The following TMEM132B variants were observed in gnomAD, a reference collection of about 807,000 sequenced individuals.
The protein encoded by TMEM132B is transmembrane protein 132B.
TMEM132B carries 18 observed loss-of-function variants against 90.8 expected under a neutral mutation model. That is an observed-to-expected ratio of 0.20 (90% CI 0.14 to 0.29). The LOEUF is 0.29. Among genes scored for constraint, TMEM132B ranks in the 10% least tolerant of loss-of-function variants. The probability of loss-of-function intolerance (pLI) is 1.00; values close to 1 mark genes in which losing one functional copy is unlikely to be tolerated. For missense variants in TMEM132B, 1,096 were observed against 1,326.8 expected (o/e 0.83, Z 2.70); for synonymous variants, 504 against 523.3 (o/e 0.96, Z 0.50).
At chr12:125,609,558 G>A (rs1566088376) in intron 5 of TMEM132B, among the ~76,000 whole-genome samples, 1 of 151,950 alleles carries the variant, frequency 6.6e-6, no homozygotes, top group Non-Finnish European at 1.5e-5. Context: ...GCTCATGCTT[G>A]TAATCCCAGC....
At chr12:125,536,994 TA>T (rs1356587342) in intron 4 of TMEM132B, among the ~76,000 whole-genome samples, 2 of 152,132 alleles carry the variant, frequency 1.3e-5, no homozygotes, top group African/African-American at 4.8e-5. Context: ...TGGGATTTTT[TA>T]AAAAAAATCA....
intron 1 of TMEM132B, among the ~76,000 whole-genome samples, chr12:125,262,582 T>G (rs1393998961): frequency 6.6e-6 from 1 of 152,208 alleles, no homozygotes; most frequent in South Asian, 2.1e-4. Context: ...CCACCCCCTC[T>G]TGTCTACCCT....
intron 5 of TMEM132B, among the ~76,000 whole-genome samples, chr12:125,610,947 G>C (rs1885811097): frequency 6.6e-6 from 1 of 152,098 alleles, no homozygotes; most frequent in African/African-American, 2.4e-5. Flanking sequence ...GGAAGAGTTT[G>C]TCTAGGGTTG....
At chr12:125,434,632 C>CA (rs1375208168) in intron 3 of TMEM132B, among the ~76,000 whole-genome samples, 3 of 152,204 alleles carry the variant, frequency 2.0e-5, no homozygotes, top group Non-Finnish European at 2.9e-5. Flanking sequence ...CGGCTGTGGT[C>CA]AGACGTCGCG....
chr12:125,593,328 A>G (rs1486898150), intron 5 of TMEM132B, among the ~76,000 whole-genome samples: 1 of 152,108 alleles, frequency 6.6e-6, no homozygotes, highest in African/African-American at 2.4e-5. Context: ...TCATTTGTTC[A>G]TTTCTGTCTT....
intron 1 of TMEM132B, among the ~76,000 whole-genome samples, chr12:125,241,740 A>G (rs1220724829): frequency 6.6e-6 from 1 of 152,240 alleles, no homozygotes; most frequent in Admixed American, 6.5e-5. Context: ...GAAGCCGTCC[A>G]GTCCATGGCG....
At position 125,389,330 on chromosome 12, in the gene TMEM132B, TCCCTC is replaced by T. The variant is rs1260882518; in HGVS notation, c.960-26185_960-26181del. On this transcript the variant is annotated intron_variant, in intron 2 of 8. Transcript: ENST00000682704. ...GCAGCTCCTTTCCTCCCCCTCCTCC[TCCCTC>T]CCCTCCCCTCCCCTCAACTCCCCTC... Among the ~76,000 whole-genome samples the T allele has an allele frequency of 1.7e-3, 170 of 101,394 alleles. 4 individuals are homozygous for T. Among genetic ancestry groups the T allele is most frequent in the Non-Finnish European group, 6.6e-4 (33 of 50,374 alleles). The allele number at this position is 101,394 out of a possible 152,430, so 66.5% of individuals were successfully genotyped here. A position where few individuals can be genotyped will look rare whatever the true frequency, so the allele number is the denominator to read the frequency against.
intron 2 of TMEM132B, among the ~76,000 whole-genome samples, chr12:125,392,803 G>A (rs1257103430): frequency 1.3e-5 from 2 of 152,196 alleles, no homozygotes; most frequent in Admixed American, 6.5e-5. Context: ...TCGCAGTGTC[G>A]CAGGCTTGCA....
chr12:125,503,911 G>A (rs1436164411), intron 3 of TMEM132B, among the ~76,000 whole-genome samples: 1 of 152,238 alleles, frequency 6.6e-6, no homozygotes, highest in Admixed American at 6.5e-5. Flanking sequence ...GGAGAAGCTA[G>A]AGAAGTTACA....
chr12:125,278,943 G>A (rs1305950252), intron 1 of TMEM132B, among the ~76,000 whole-genome samples: 4 of 152,186 alleles, frequency 2.6e-5, no homozygotes, highest in African/African-American at 4.8e-5. Context: ...CCCAGCGAGG[G>A]AAGATCTGTT....
chr12:125,240,824 G>A (rs1447711431), intron 1 of TMEM132B, among the ~76,000 whole-genome samples: 1 of 152,214 alleles, frequency 6.6e-6, no homozygotes, highest in African/African-American at 2.4e-5. Context: ...GTTGATAAAT[G>A]TCTGCTGCTT....
chr12:125,282,047 AAAAAAAAAAAAAAG>A (rs1436767226), intron 1 of TMEM132B, among the ~76,000 whole-genome samples: 1,941 of 126,584 alleles, frequency 0.015, 144 homozygotes, highest in African/African-American at 0.054. Flanking sequence ...AAAAAAAAAA[AAAAAAAAAAAAAAG>A]AGAGACTTTT....
intron 1 of TMEM132B, among the ~76,000 whole-genome samples, chr12:125,195,758 G>A (rs1872910566): frequency 6.6e-6 from 1 of 152,036 alleles, no homozygotes; most frequent in Non-Finnish European, 1.5e-5. Flanking sequence ...GACCTAAAGG[G>A]GTAAGGGAGG....
At chr12:125,600,142 G>A (rs1885537158) in intron 5 of TMEM132B, among the ~76,000 whole-genome samples, 1 of 152,160 alleles carries the variant, frequency 6.6e-6, no homozygotes, top group African/African-American at 2.4e-5. Flanking sequence ...TTTGGCAACA[G>A]TGTGAGGGAT....
chr12:125,624,591 A>G (rs1886185125), intron 5 of TMEM132B, among the ~76,000 whole-genome samples: 1 of 152,184 alleles, frequency 6.6e-6, no homozygotes, highest in Admixed American at 6.5e-5. Context: ...GCTCACTGTG[A>G]TAATTATTTG....
At chr12:125,382,700 A>G (rs73233402) in intron 2 of TMEM132B, among the ~76,000 whole-genome samples, 294 of 152,372 alleles carry the variant, frequency 1.9e-3, no homozygotes, top group Non-Finnish European at 3.3e-3. Flanking sequence ...TAATAATTTG[A>G]TGCCAAGAAA....
intron 3 of TMEM132B, among the ~76,000 whole-genome samples, chr12:125,493,340 ATCT>A (rs1173592528): frequency 2.0e-5 from 3 of 152,188 alleles, no homozygotes; most frequent in African/African-American, 7.2e-5. Context: ...TTTCCCAGGA[ATCT>A]TCTTGTGGCC....
At chr12:125,341,500 A>G (rs1017912452) in intron 1 of TMEM132B, among the ~76,000 whole-genome samples, 7 of 152,086 alleles carry the variant, frequency 4.6e-5, no homozygotes, top group African/African-American at 1.7e-4. Context: ...ATTTTTAAAT[A>G]TTTCATCTTT....
intron 1 of TMEM132B, among the ~76,000 whole-genome samples, chr12:125,305,335 C>A (rs1875930015): frequency 2.0e-5 from 3 of 150,716 alleles, no homozygotes; most frequent in Non-Finnish European, 4.4e-5. Flanking sequence ...CATGAGGAGG[C>A]ATCAGCCGGA....
Sources: gnomAD v4.1 joint callset for allele counts (sites outside exome capture counted in the v4.1 genomes callset) on GRCh38, gnomAD v4.1.1 for gene constraint, MANE v1.5 for transcripts, NCBI Gene and HGNC (gene_info 2026-07-23, HGNC 2026-07-21) for gene names.